NLRC5: variants seen among roughly 807,000 people sequenced by gnomAD.
The protein encoded by NLRC5 is protein NLRC5.
NLRC5 carries 114 observed loss-of-function variants against 206.9 expected under a neutral mutation model. The observed-to-expected ratio is 0.55, with a 90% CI of 0.47 to 0.64. The LOEUF (loss-of-function observed/expected upper bound fraction) is 0.64, where lower values mean the gene tolerates loss of function less well. Among genes scored for constraint, NLRC5 ranks in the 30% least tolerant of loss-of-function variants. The probability of loss-of-function intolerance (pLI) is 0.00; values close to 1 mark genes in which losing one functional copy is unlikely to be tolerated. For synonymous variants in NLRC5, 952 were observed against 962.8 expected, an observed-to-expected ratio of 0.99 and a Z score of 0.21; for missense variants, 2,008 against 2,305.5, an observed-to-expected ratio of 0.87 and a Z score of 2.64.
rs936489280 is a variant in NLRC5 at position 57,066,617 on chromosome 16, G to A, written c.4322+3G>A. 7 of 1,613,520 alleles carry A rather than the reference G, an allele frequency of 4.3e-6. No individual in the cohort carries two copies. The African/African-American group carries it at 8.0e-5, about 18-fold the overall frequency. On this transcript the variant is annotated splice_donor_region_variant and intron_variant, in intron 34 of 48. Coordinates refer to ENST00000688547, the MANE Select transcript of NLRC5 (RefSeq NM_001384950.1). ...AATCCAGAAGCTGTGGCACTCAGGT[G>A]GGACCCAGCACCAGGGACCCCAAGG... is the stretch of plus-strand genomic sequence containing the variant.
chr16:57,031,617 T>C (rs1183277852), intron 11 of NLRC5, among the ~76,000 whole-genome samples, 154 bp downstream of exon 11: 1 of 151,384 alleles, frequency 6.6e-6, no homozygotes, highest in Non-Finnish European at 1.5e-5. Flanking sequence ...ACTGCTTAGG[T>C]TGGCAAAGGA....
intron 3 of NLRC5, among the ~76,000 whole-genome samples, chr16:57,021,315 G>A (rs1202793763): frequency 6.6e-6 from 1 of 151,454 alleles, no homozygotes; most frequent in Non-Finnish European, 1.5e-5. Context: ...TGGCGGGGGT[G>A]GGGGGGTGTT....
At chr16:57,002,969 C>T (rs535115995) in intron 1 of NLRC5, among the ~76,000 whole-genome samples, 11 of 151,990 alleles carry the variant, frequency 7.2e-5, no homozygotes, top group African/African-American at 2.4e-4. Context: ...GAGGTACCTC[C>T]GAACTGTCCT....
At chr16:57,075,005 C>CCTTTT (rs2068196484) in intron 39 of NLRC5, among the ~76,000 whole-genome samples, 1 of 58,066 alleles carries the variant, frequency 1.7e-5, no homozygotes, top group Non-Finnish European at 3.2e-5. Flanking sequence ...CTAGACTGTG[C>CCTTTT]TTTTTTTTTT....
At position 57,026,571 on chromosome 16, in the gene NLRC5, T is replaced by C; in HGVS notation, c.1628T>C (p.Leu543Pro). 6.2e-7 allele frequency: 1 copy of C among 1,614,106 alleles called. No individual in the cohort carries two copies. The highest frequency in any genetic ancestry group is 8.5e-7 in the Non-Finnish European group (1 of 1,180,006). ...GACACACTTACCCAGTATGTTACCC[T>C]CCATTCCCGCTGGGTACAGCGGACC... is the stretch of plus-strand genomic sequence containing the variant. ...NKDTLTQYVT[L>P]HSRWVQRTKA... Residue 543 changes from leucine to proline, a missense_variant, in exon 6 of 49, where the codon CTC becomes CCC. Coordinates refer to ENST00000688547, the MANE Select transcript of NLRC5 (RefSeq NM_001384950.1).
intron 29 of NLRC5, 128 bp from the exon 30 acceptor site, chr16:57,059,339 A>C: frequency 6.7e-7 from 1 of 1,484,698 alleles, no homozygotes; most frequent in Non-Finnish European, 9.0e-7. Flanking sequence ...TCTGGTTCTG[A>C]GGCCTCCATC....
chr16:57,016,854 G>A (rs1462678605), intron 1 of NLRC5, among the ~76,000 whole-genome samples: 1 of 152,204 alleles, frequency 6.6e-6, no homozygotes, highest in Admixed American at 6.5e-5. Flanking sequence ...TGTGGCAGGA[G>A]GTGACATCAA....
At chr16:57,052,997 G>A (rs2144321955) in intron 24 of NLRC5, 1 of 152,390 alleles carries the variant, frequency 6.6e-6, no homozygotes, top group East Asian at 1.9e-4. Flanking sequence ...TCAACGTGTA[G>A]TGCTTGTGGC....
At chr16:57,060,384 C>T (rs1340819473) in intron 30 of NLRC5, among the ~76,000 whole-genome samples, 1 of 151,670 alleles carries the variant, frequency 6.6e-6, no homozygotes, top group Non-Finnish European at 1.5e-5. Context: ...GCCCTACACA[C>T]CAACCCATAT....
intron 1 of NLRC5, among the ~76,000 whole-genome samples, chr16:57,001,899 C>T (rs1359365035): frequency 6.6e-6 from 1 of 151,886 alleles, no homozygotes; most frequent in Non-Finnish European, 1.5e-5. Context: ...ACCCTGGCCT[C>T]CTACTATACT....
At chr16:57,030,773 G>A (rs529769963) in intron 10 of NLRC5, among the ~76,000 whole-genome samples, 29 of 152,280 alleles carry the variant, frequency 1.9e-4, no homozygotes, top group African/African-American at 6.5e-4. Flanking sequence ...TTGATCATGG[G>A]GTAGGTTAGG....
intron 3 of NLRC5, 57 bp from the exon 4 acceptor site, chr16:57,022,199 G>T (rs865944245): frequency 1.3e-5 from 20 of 1,502,490 alleles, no homozygotes; most frequent in Non-Finnish European, 1.7e-5. Flanking sequence ...GGCCAGAGCT[G>T]GTCCCCAGCA....
chr16:57,077,428 C>T (rs2068535191), intron 41 of NLRC5, 49 bp downstream of exon 41: 1 of 1,523,388 alleles, frequency 6.6e-7, no homozygotes, highest in Non-Finnish European at 9.1e-7. Flanking sequence ...ACACGATGGT[C>T]CTAGGAGATA....
intron 46 of NLRC5, among the ~76,000 whole-genome samples, chr16:57,080,263 A>G (rs1339629527): frequency 6.6e-6 from 1 of 152,154 alleles, no homozygotes; most frequent in African/African-American, 2.4e-5. Context: ...CACCAAAGCG[A>G]AAGTCTCAGA....
intron 46 of NLRC5, chr16:57,080,809 A>G (rs2069043380): frequency 2.9e-6 from 1 of 343,454 alleles, no homozygotes; most frequent in Non-Finnish European, 5.3e-6. Context: ...GGGCCAATTT[A>G]AAGAAAAATA....
intron 30 of NLRC5, among the ~76,000 whole-genome samples, chr16:57,060,401 G>T (rs12149735): frequency 0.68 from 102,386 of 151,408 alleles, 36,620 homozygotes; most frequent in African/African-American, 0.92. Flanking sequence ...ATATACCACA[G>T]ATACACCAAG....
intron 39 of NLRC5, among the ~76,000 whole-genome samples, chr16:57,076,608 G>A (rs539284205): frequency 6.6e-6 from 1 of 152,226 alleles, no homozygotes; most frequent in Admixed American, 6.5e-5. Flanking sequence ...ACAGCTCACT[G>A]CTGGCTCTCA....
chr16:57,022,197 C>A, intron 3 of NLRC5, 59 bp from the exon 4 acceptor site: 1 of 1,491,952 alleles, frequency 6.7e-7, no homozygotes. Flanking sequence ...CAGGCCAGAG[C>A]TGGTCCCCAG....
At chr16:56,992,611 G>A (rs962765541) in intron 1 of NLRC5, among the ~76,000 whole-genome samples, 8 of 151,786 alleles carry the variant, frequency 5.3e-5, no homozygotes, top group Non-Finnish European at 1.2e-4. Flanking sequence ...TGAGTAGCTG[G>A]GATTATAGGC....
Sources: allele counts gnomAD v4.1 joint callset (sites outside exome capture counted in the v4.1 genomes callset), GRCh38; gene constraint gnomAD v4.1.1; transcripts MANE v1.5; gene names NCBI Gene and HGNC (gene_info 2026-07-23, HGNC 2026-07-21).